Variants in ALK observed in about 807,000 individuals in gnomAD.
ALK encodes ALK tyrosine kinase receptor.
Under a neutral mutation model 163.1 loss-of-function variants are expected in ALK, and 74 were observed. The observed-to-expected ratio is 0.45, with a 90% CI of 0.38 to 0.55. The LOEUF (loss-of-function observed/expected upper bound fraction) is 0.55, where lower values mean the gene tolerates loss of function less well. Ranked by LOEUF, ALK falls within the 20% of genes least tolerant of loss-of-function variation. ALK has a pLI of 0.00. For missense variants in ALK, 2,063 were observed against 2,105.3 expected, an observed-to-expected ratio of 0.98 and a Z score of 0.39; for synonymous variants, 960 against 843.2, an observed-to-expected ratio of 1.14 and a Z score of -2.40.
At chr2:29,880,349 T>C (rs1666824027) in intron 1 of ALK, among the ~76,000 whole-genome samples, 1 of 152,140 alleles carries the variant, frequency 6.6e-6, no homozygotes, top group Non-Finnish European at 1.5e-5. Context: ...GGGGTGATGG[T>C]CTGACCTCAG....
At chr2:29,584,628 C>T (rs574052636) in intron 3 of ALK, among the ~76,000 whole-genome samples, 9 of 152,352 alleles carry the variant, frequency 5.9e-5, no homozygotes, top group African/African-American at 2.2e-4. Context: ...TACTTTTCTT[C>T]ACAGAGAAAC....
chr2:29,297,328 TATC>T (rs2148231556), intron 8 of ALK, among the ~76,000 whole-genome samples: 1 of 152,304 alleles, frequency 6.6e-6, no homozygotes, highest in African/African-American at 2.4e-5. Flanking sequence ...AGGTTGATGT[TATC>T]ATCCTACCTT....
chr2:29,231,173 A>G (rs1408462648), intron 15 of ALK, among the ~76,000 whole-genome samples: 1 of 152,128 alleles, frequency 6.6e-6, no homozygotes, highest in Non-Finnish European at 1.5e-5. Context: ...CCACGTCTCT[A>G]CTAAAAATAC....
intron 4 of ALK, among the ~76,000 whole-genome samples, chr2:29,397,656 A>G (rs1419238224): frequency 6.6e-6 from 1 of 152,222 alleles, no homozygotes; most frequent in African/African-American, 2.4e-5. Flanking sequence ...CTGAGAAAAC[A>G]ACTTATTTCT....
At chr2:29,264,449 G>A (rs1380745804) in intron 11 of ALK, among the ~76,000 whole-genome samples, 2 of 152,182 alleles carry the variant, frequency 1.3e-5, no homozygotes, top group Non-Finnish European at 2.9e-5. Context: ...CCCTTGACCT[G>A]CTTTACTATT....
chr2:29,831,226 A>G (rs1278963214), intron 1 of ALK, among the ~76,000 whole-genome samples: 1 of 76,324 alleles, frequency 1.3e-5, no homozygotes, highest in Non-Finnish European at 2.5e-5. Context: ...AGGAAGAGGA[A>G]GAAGAAGAGG....
At chr2:29,337,826 G>A (rs1483761674) in intron 5 of ALK, among the ~76,000 whole-genome samples, 1 of 152,126 alleles carries the variant, frequency 6.6e-6, no homozygotes, top group African/African-American at 2.4e-5. Context: ...GCAGGCCCAA[G>A]GACCCACTTT....
intron 3 of ALK, among the ~76,000 whole-genome samples, chr2:29,622,280 G>A (rs746510704): frequency 3.3e-5 from 5 of 152,124 alleles, no homozygotes; most frequent in African/African-American, 4.8e-5. Context: ...AGACATATCC[G>A]AGACTGGGAA....
intron 1 of ALK, among the ~76,000 whole-genome samples, chr2:29,722,489 T>C (rs1157776921): frequency 6.6e-6 from 1 of 152,226 alleles, no homozygotes; most frequent in Non-Finnish European, 1.5e-5. Flanking sequence ...TTTTCTTACT[T>C]GGAAAACCAT....
intron 4 of ALK, among the ~76,000 whole-genome samples, chr2:29,519,543 T>A (rs1672757898): frequency 6.6e-6 from 1 of 152,238 alleles, no homozygotes; most frequent in African/African-American, 2.4e-5. Flanking sequence ...AACCACATTT[T>A]CTGGCTCACA....
intron 3 of ALK, among the ~76,000 whole-genome samples, chr2:29,575,682 C>A (rs751451627): frequency 1.3e-5 from 2 of 152,166 alleles, no homozygotes; most frequent in Non-Finnish European, 2.9e-5. Flanking sequence ...GGTAATTCAG[C>A]GCCTGATTTT....
intron 1 of ALK, among the ~76,000 whole-genome samples, chr2:29,843,671 C>T (rs1387674048): frequency 2.0e-5 from 3 of 152,128 alleles, no homozygotes; most frequent in Non-Finnish European, 4.4e-5. Flanking sequence ...CATTGATTTA[C>T]TTAAAGGACA....
rs1188506563 is a variant in ALK at position 29,219,301 on chromosome 2, ATTC to A, written c.3645+1402_3645+1404del. ...TCCTCTTCTCAAGGGGTAAGACAGT[ATTC>A]TTCTTAGATACTGAGATGCGTCACC... On this transcript the variant is annotated intron_variant, in intron 23 of 28. Coordinates refer to ENST00000389048, the MANE Select transcript of ALK (RefSeq NM_004304.5). Among the ~76,000 whole-genome samples, 16 of 152,292 alleles carry A rather than the reference ATTC, an allele frequency of 1.1e-4. No individual in the cohort carries two copies. The East Asian group carries it at 2.9e-3, about 28-fold the overall frequency.
Position 29,225,543 on chromosome 2 carries a change from G to C in ALK, c.3090C>G (p.His1030Gln), listed in dbSNP as rs1663946773. 8.7e-6 allele frequency: 14 copies of C among 1,610,314 alleles called. No individual in the cohort carries two copies. The highest frequency in any genetic ancestry group is 1.2e-5 in the Non-Finnish European group (14 of 1,178,826). Reference sequence around the variant, plus strand: ...CAGAGAGGATCAGCGAGAGTGGCAGGTGTGGCTCCGGGGTGGGTGACACTG... The same window carrying C: ...CAGAGAGGATCAGCGAGAGTGGCAGCTGTGGCTCCGGGGTGGGTGACACTG... The part of the protein sequence containing the change: ...SCIVSPTPEP[H>Q]LPLSLILSVV... Residue 1030 changes from histidine to glutamine, a missense_variant, in exon 19 of 29, where the codon CAC becomes CAG. Transcript: ENST00000389048.
chr2:29,503,953 AGTG>A (rs1211485823), intron 4 of ALK, among the ~76,000 whole-genome samples: 1 of 151,828 alleles, frequency 6.6e-6, no homozygotes, highest in East Asian at 2.0e-4. Flanking sequence ...CATTACTTTC[AGTG>A]GCAAAAACTG....
intron 1 of ALK, among the ~76,000 whole-genome samples, chr2:29,894,230 C>T (rs1667215001): frequency 6.6e-6 from 1 of 152,070 alleles, no homozygotes; most frequent in South Asian, 2.1e-4. Flanking sequence ...CTCATGGTAG[C>T]CCCCAGTGAA....
intron 5 of ALK, among the ~76,000 whole-genome samples, chr2:29,334,776 A>G (rs549980605): frequency 6.6e-6 from 1 of 152,294 alleles, no homozygotes; most frequent in African/African-American, 2.4e-5. Flanking sequence ...TCCCACAGGG[A>G]GCTTTGTGCT....
intron 20 of ALK, among the ~76,000 whole-genome samples, 163 bp downstream of exon 20, chr2:29,223,179 T>C (rs574340263): frequency 1.6e-4 from 25 of 152,262 alleles, no homozygotes; most frequent in Admixed American, 3.3e-4. Flanking sequence ...TAAGCCAACA[T>C]ACATGGCCCT....
chr2:29,466,420 C>T (rs1671215859), intron 4 of ALK, among the ~76,000 whole-genome samples: 1 of 152,128 alleles, frequency 6.6e-6, no homozygotes, highest in African/African-American at 2.4e-5. Context: ...TTCAAATATG[C>T]CTCACAAATA....
Sources: allele counts gnomAD v4.1 joint callset (sites outside exome capture counted in the v4.1 genomes callset), GRCh38; gene constraint gnomAD v4.1.1; transcripts MANE v1.5; gene names NCBI Gene and HGNC (gene_info 2026-07-23, HGNC 2026-07-21).